PC: variants seen among roughly 807,000 people sequenced by gnomAD.
The protein encoded by PC is pyruvate carboxylase.
A neutral mutation model predicts 107.8 loss-of-function variants in PC; 46 were observed. That is an observed-to-expected ratio of 0.43 (90% CI 0.34 to 0.55). The LOEUF (loss-of-function observed/expected upper bound fraction) is 0.55, where lower values mean the gene tolerates loss of function less well. Among genes scored for constraint, PC ranks in the 20% least tolerant of loss-of-function variants. The probability of loss-of-function intolerance (pLI) is 0.04; values close to 1 mark genes in which losing one functional copy is unlikely to be tolerated. For missense variants in PC, 1,241 were observed against 1,643.1 expected, an observed-to-expected ratio of 0.76 and a Z score of 4.23; for synonymous variants, 662 against 684.7, an observed-to-expected ratio of 0.97 and a Z score of 0.52.
At chr11:66,918,520 G>T (rs1048018506) in intron 3 of PC, among the ~76,000 whole-genome samples, 1 of 151,668 alleles carries the variant, frequency 6.6e-6, no homozygotes, top group South Asian at 2.1e-4. Context: ...TTACATGCAC[G>T]CGCCACCAAG....
intron 3 of PC, among the ~76,000 whole-genome samples, chr11:66,929,979 C>T (rs1464733040): frequency 6.6e-6 from 1 of 151,944 alleles, no homozygotes; most frequent in Non-Finnish European, 1.5e-5. Context: ...TTTTCAAAGC[C>T]TCAAAAGGTC....
At chr11:66,876,529 C>T (rs1946984355) in intron 3 of PC, among the ~76,000 whole-genome samples, 2 of 152,260 alleles carry the variant, frequency 1.3e-5, no homozygotes, top group South Asian at 4.1e-4. Context: ...GCACCTGCTG[C>T]TCAAGAGGTG....
chr11:66,917,607 C>T (rs976070405), intron 3 of PC, among the ~76,000 whole-genome samples: 6 of 152,144 alleles, frequency 3.9e-5, no homozygotes, highest in African/African-American at 1.4e-4. Flanking sequence ...TTGCTTTGGA[C>T]GCTGTCCTCA....
chr11:66,936,093 A>G (rs1948995176), intron 3 of PC, among the ~76,000 whole-genome samples: 1 of 150,790 alleles, frequency 6.6e-6, no homozygotes, highest in South Asian at 2.1e-4. Flanking sequence ...AAAAAAAAAA[A>G]AAAAATCAGC....
In PC at chr11:66,852,921, C is replaced by T; in HGVS notation, c.1514-85G>A. 4 of 1,035,732 alleles carry T rather than the reference C, an allele frequency of 3.9e-6. No homozygotes were observed. Among genetic ancestry groups the T allele is most frequent in the Non-Finnish European group, 5.7e-6 (4 of 706,936 alleles). 64.2% of individuals were successfully genotyped at this position (1,035,732 alleles called of 1,614,324 possible). On this transcript the variant is annotated intron_variant, in intron 13 of 22. Coordinates refer to ENST00000393960, the MANE Select transcript of PC (RefSeq NM_001040716.2). This position sits in a 1 kb window ranked among gnomAD's most constrained non-coding sequence, Gnocchi z 4.7. The stretch of plus-strand genomic sequence containing the variant: ...CAGTGAGAGTGGCTGGGCTCAGGGA[C>T]AGGGACACATCCCTCCAGGATCCCC...
intron 3 of PC, among the ~76,000 whole-genome samples, chr11:66,949,343 T>C (rs1336644795): frequency 6.6e-6 from 1 of 151,942 alleles, no homozygotes; most frequent in African/African-American, 2.4e-5. Flanking sequence ...GATTTATAAG[T>C]TCAATTGAAA....
At position 66,849,694 on chromosome 11, in the gene PC, C is replaced by T. The variant is rs747786536; in HGVS notation, c.3064G>A (p.Asp1022Asn). Residue 1022 changes from aspartate (D) to asparagine (N), a missense_variant, in exon 21 of 23, where the codon GAC becomes AAC. By Grantham distance (23) the Asp-to-Asn change is conservative (BLOSUM62 1). This residue lies in a region of PC where 1,143 missense variants were observed against 1,551.9 expected (regional missense o/e 0.74). Transcript: ENST00000393960. ...MYPDVFAHFK[D>N]FTATFGPLDS... ...AGGGGGCCAAAGGTGGCAGTGAAGTCCTTGAAGTGGGCAAACACATCGGGG... is the reference window on the plus strand; with the variant it reads ...AGGGGGCCAAAGGTGGCAGTGAAGTTCTTGAAGTGGGCAAACACATCGGGG... 8 of 1,614,178 alleles carry T rather than the reference C, an allele frequency of 5.0e-6. No individual in the cohort carries two copies. The Admixed American group carries it at 8.3e-5, about 17-fold the overall frequency.
chr11:66,913,799 TG>T (rs1407686959), intron 3 of PC, among the ~76,000 whole-genome samples: 2 of 152,012 alleles, frequency 1.3e-5, no homozygotes, highest in Admixed American at 1.3e-4. Context: ...GATCCCAGGG[TG>T]GGTTTGCAAC....
chr11:66,858,079 G>A lies in PC; in HGVS notation c.1369-4696C>T, dbSNP rs771967884. 1 of 1,609,344 alleles carries A rather than the reference G, an allele frequency of 6.2e-7. No individual in the cohort carries two copies. The highest frequency in any genetic ancestry group is 8.5e-7 in the Non-Finnish European group (1 of 1,178,098). Reference sequence around the variant, plus strand: ...GACGGCAACAGGCTGGTGGAGCTGGGCACCGGGAGCCTCCGGGGCCCCGTC... The same window carrying A: ...GACGGCAACAGGCTGGTGGAGCTGGACACCGGGAGCCTCCGGGGCCCCGTC... On this transcript the variant is annotated intron_variant, in intron 12 of 22. Transcript: ENST00000393960. The surrounding 1 kb of genome is among the most constrained non-coding windows in gnomAD (Gnocchi z 5.9).
At chr11:66,895,164 G>A (rs531082234) in intron 3 of PC, among the ~76,000 whole-genome samples, 15 of 152,130 alleles carry the variant, frequency 9.9e-5, no homozygotes, top group Admixed American at 3.9e-4. Flanking sequence ...TGGGAAATTC[G>A]AGGCACAGTT....
In PC at chr11:66,870,726, C is replaced by T. The variant is rs1387821603; in HGVS notation, c.751+49G>A. 3 of 1,551,058 alleles carry T rather than the reference C, an allele frequency of 1.9e-6. No homozygotes were observed. The highest frequency in any genetic ancestry group is 3.3e-5 in the Admixed American group (2 of 59,962). On this transcript the variant is annotated intron_variant, in intron 8 of 22. Transcript: ENST00000393960. The surrounding 1 kb of genome is among the most constrained non-coding windows in gnomAD (Gnocchi z 6.1). Reference sequence around the variant, plus strand: ...CTGTGACGGCACCAGGACTGGGCCTCTCAGCTCCCGCCTCCAGCTGCCCCA... The same window carrying T: ...CTGTGACGGCACCAGGACTGGGCCTTTCAGCTCCCGCCTCCAGCTGCCCCA...
intron 3 of PC, among the ~76,000 whole-genome samples, chr11:66,911,488 A>G (rs1948332253): frequency 1.3e-5 from 2 of 151,980 alleles, no homozygotes; most frequent in Non-Finnish European, 2.9e-5. Context: ...GCTACTCTGG[A>G]TACTGAGGCA....
chr11:66,858,678 A>C lies in PC; in HGVS notation c.1368+5096T>G, dbSNP rs1389420068. The C allele has an allele frequency of 1.3e-6, 2 of 1,546,542 alleles. No individual in the cohort carries two copies. Among genetic ancestry groups the C allele is most frequent in the African/African-American group, 2.7e-5 (2 of 73,208 alleles). On this transcript the variant is annotated intron_variant, in intron 12 of 22. Coordinates refer to ENST00000393960, the MANE Select transcript of PC (RefSeq NM_001040716.2). This position sits in a 1 kb window ranked among gnomAD's most constrained non-coding sequence, Gnocchi z 5.9. Reference sequence around the variant, plus strand: ...GGCCCTGGGTGACCCCGCGCCTACCATGCACTGGGTCGGTCCTGACGACCG... The same window carrying C: ...GGCCCTGGGTGACCCCGCGCCTACCCTGCACTGGGTCGGTCCTGACGACCG...
At chr11:66,955,692 G>A (rs1176444055) in intron 1 of PC, among the ~76,000 whole-genome samples, 2 of 152,258 alleles carry the variant, frequency 1.3e-5, no homozygotes, top group East Asian at 3.9e-4. Context: ...CTTTCAGGGA[G>A]CTTACCAGAA....
chr11:66,914,665 A>T (rs2136078385), intron 3 of PC, among the ~76,000 whole-genome samples: 1 of 152,364 alleles, frequency 6.6e-6, no homozygotes, highest in African/African-American at 2.4e-5. Flanking sequence ...GAGGCATTTA[A>T]TTCAACTCCA....
rs751946688 is a variant in PC, at chr11:66,870,902, C to T, written c.634-10G>A. 9.3e-6 allele frequency: 15 copies of T among 1,610,236 alleles called. No homozygotes were observed. The highest frequency in any genetic ancestry group is 5.0e-5 in the Admixed American group (3 of 60,008). On this transcript the variant is annotated splice_polypyrimidine_tract_variant and intron_variant, in intron 7 of 22. Coordinates refer to ENST00000393960, the MANE Select transcript of PC (RefSeq NM_001040716.2). This position sits in a 1 kb window ranked among gnomAD's most constrained non-coding sequence, Gnocchi z 6.1. ...AATTCTCCTCCAGCTCCTGCGAGGG[C>T]GGGCAGGGGCCAGCCAGACCTCAGA... is the stretch of plus-strand genomic sequence containing the variant.
chr11:66,927,082 G>A (rs901890241), intron 3 of PC, among the ~76,000 whole-genome samples: 2 of 147,006 alleles, frequency 1.4e-5, no homozygotes, highest in African/African-American at 2.5e-5. Context: ...CCTCTGCCTC[G>A]CAGGTTCAAG....
intron 12 of PC, among the ~76,000 whole-genome samples, chr11:66,854,717 A>G (rs1357870834): frequency 6.6e-6 from 1 of 151,424 alleles, no homozygotes; most frequent in East Asian, 1.9e-4. Context: ...GGCCACCCAG[A>G]CTCCTCTGAG....
intron 3 of PC, among the ~76,000 whole-genome samples, chr11:66,873,447 A>T (rs1443823085): frequency 2.3e-5 from 2 of 85,750 alleles, no homozygotes; most frequent in Admixed American, 2.0e-4. Flanking sequence ...ATATTATATT[A>T]TATATAAAAT....
Sources: allele counts gnomAD v4.1 joint callset (sites outside exome capture counted in the v4.1 genomes callset), GRCh38; gene constraint gnomAD v4.1.1; regional missense constraint gnomAD v4.1.1; non-coding constraint Gnocchi (gnomAD v3.1); transcripts MANE v1.5; gene names NCBI Gene and HGNC (gene_info 2026-07-23, HGNC 2026-07-21).